The following NAV3 variants were observed in gnomAD, a reference collection of about 807,000 sequenced individuals.
NAV3 encodes pore membrane and/or filament interacting like protein 1.
In NAV3, 87 loss-of-function variants were observed where a neutral mutation model predicts 244.7. That is an observed-to-expected ratio of 0.36 (90% CI 0.30 to 0.42). NAV3 has a LOEUF of 0.42. Among genes scored for constraint, NAV3 ranks in the 20% least tolerant of loss-of-function variants. The pLI, the probability that NAV3 is intolerant of heterozygous loss-of-function variation, is 1.00. For synonymous variants in NAV3, 1,126 were observed against 1,042.2 expected (o/e 1.08, Z -1.55); for missense variants, 2,663 against 2,893.3 (o/e 0.92, Z 1.83).
At chr12:78,154,128 A>ATG (rs200110503) in intron 22 of NAV3, among the ~76,000 whole-genome samples, 5 of 144,836 alleles carry the variant, frequency 3.5e-5, no homozygotes, top group Middle Eastern at 3.8e-3. Context: ...CTAGGCATAT[A>ATG]TGTGTGTGTG....
intron 1 of NAV3, among the ~76,000 whole-genome samples, chr12:77,901,031 T>C (rs957681386): frequency 6.6e-6 from 1 of 152,228 alleles, no homozygotes; most frequent in African/African-American, 2.4e-5. Context: ...TATGTCCATT[T>C]TGCGAAGTAT....
intron 2 of NAV3, among the ~76,000 whole-genome samples, chr12:77,794,953 T>G (rs113309517): frequency 6.6e-6 from 1 of 152,188 alleles, no homozygotes; most frequent in African/African-American, 2.4e-5. Flanking sequence ...GACACAACCG[T>G]ATTGAAATTA....
intron 23 of NAV3, among the ~76,000 whole-genome samples, chr12:78,165,189 A>G (rs760296509): frequency 9.9e-5 from 15 of 152,012 alleles, no homozygotes; most frequent in Non-Finnish European, 1.3e-4. Context: ...TGAATAGCTC[A>G]CTGGAGGAAA....
chr12:77,983,656 A>T (rs1285040032), intron 5 of NAV3, among the ~76,000 whole-genome samples: 4 of 152,126 alleles, frequency 2.6e-5, no homozygotes, highest in Non-Finnish European at 5.9e-5. Flanking sequence ...TCAGGAAAAA[A>T]GTATAAAAGT....
At chr12:78,034,922 C>T (rs746943360) in intron 9 of NAV3, among the ~76,000 whole-genome samples, 18 of 152,126 alleles carry the variant, frequency 1.2e-4, no homozygotes, top group East Asian at 1.9e-4. Context: ...TTTATATAAA[C>T]GAGTAGTATT....
chr12:77,773,845 C>T (rs947756148), intron 2 of NAV3, among the ~76,000 whole-genome samples: 4 of 152,172 alleles, frequency 2.6e-5, no homozygotes, highest in African/African-American at 9.6e-5. Flanking sequence ...CAGCTAATCC[C>T]TGTGTTCATT....
chr12:78,056,071 G>A (rs761312323), intron 11 of NAV3: 8 of 152,156 alleles, frequency 5.3e-5, no homozygotes, highest in Non-Finnish European at 1.2e-4. Context: ...ATGTTGACAA[G>A]TAAAAATACC....
intron 2 of NAV3, among the ~76,000 whole-genome samples, chr12:77,697,415 A>G (rs1875356195): frequency 6.6e-6 from 1 of 152,206 alleles, no homozygotes; most frequent in African/African-American, 2.4e-5. Context: ...TTCCTGATTC[A>G]TTATGAGCTA....
At chr12:77,677,491 G>T in intron 2 of NAV3, among the ~76,000 whole-genome samples, 1 of 152,112 alleles carries the variant, frequency 6.6e-6, no homozygotes, top group East Asian at 1.9e-4. Context: ...TATTCATTTT[G>T]TGCCAGCCCA....
intron 6 of NAV3, among the ~76,000 whole-genome samples, chr12:77,997,017 A>G (rs936293336): frequency 2.6e-5 from 4 of 152,048 alleles, no homozygotes; most frequent in Non-Finnish European, 5.9e-5. Context: ...CTGAGGTGGG[A>G]TCACTTGAGG....
At chr12:78,050,201 C>T (rs552170596) in intron 10 of NAV3, 100 bp downstream of exon 10, 1 of 818,534 alleles carries the variant, frequency 1.2e-6, no homozygotes, top group African/African-American at 1.8e-5. Flanking sequence ...ATTTCAGTTT[C>T]CCCTTACTAT....
At chr12:77,750,815 ATAATT>A (rs931974246) in intron 2 of NAV3, among the ~76,000 whole-genome samples, 37 of 152,212 alleles carry the variant, frequency 2.4e-4, no homozygotes, top group African/African-American at 7.5e-4. Flanking sequence ...CTGGCAAAAA[ATAATT>A]TAAGAAAGGC....
chr12:77,671,410 T>TGATCCTAAAATTCATATG (rs1565764560), intron 2 of NAV3, among the ~76,000 whole-genome samples: 1 of 151,798 alleles, frequency 6.6e-6, no homozygotes. Flanking sequence ...TAGAAAAAAA[T>TGATCCTAAAATTCATATG]GATCCTAAAA....
chr12:77,682,024 C>T (rs553797618), intron 2 of NAV3, among the ~76,000 whole-genome samples: 2 of 152,154 alleles, frequency 1.3e-5, no homozygotes, highest in South Asian at 4.1e-4. Flanking sequence ...CAATTTTCAA[C>T]GATGGAATTC....
chr12:77,879,168 A>C (rs1440724138), intron 1 of NAV3, among the ~76,000 whole-genome samples: 9 of 152,268 alleles, frequency 5.9e-5, no homozygotes, highest in African/African-American at 2.2e-4. Flanking sequence ...ACCCGCTTGG[A>C]TAGCTACCCT....
chr12:78,007,539 T>C, intron 8 of NAV3, 94 bp downstream of exon 8: 1 of 1,337,552 alleles, frequency 7.5e-7, no homozygotes, highest in Non-Finnish European at 1.0e-6. Flanking sequence ...TGGTGCTTTA[T>C]GTCGTCATTT....
chr12:78,033,237 C>CTT (rs374028205), intron 9 of NAV3, among the ~76,000 whole-genome samples: 44 of 143,266 alleles, frequency 3.1e-4, no homozygotes, highest in African/African-American at 1.2e-3. Context: ...CTGAAATTGC[C>CTT]CTTTTTTTTT....
intron 11 of NAV3, among the ~76,000 whole-genome samples, chr12:78,051,385 A>C (rs1882738254): frequency 6.6e-6 from 1 of 152,230 alleles, no homozygotes; most frequent in South Asian, 2.1e-4. Flanking sequence ...AGAGAAACAC[A>C]TGTGGCTTCT....
At chr12:77,832,048 G>T (rs1159863369) in intron 1 of NAV3, among the ~76,000 whole-genome samples, 1 of 152,136 alleles carries the variant, frequency 6.6e-6, no homozygotes, top group African/African-American at 2.4e-5. Context: ...CATCCATACT[G>T]CAATGTATGA....
Sources: gnomAD v4.1 joint callset for allele counts (sites outside exome capture counted in the v4.1 genomes callset) on GRCh38, gnomAD v4.1.1 for gene constraint, MANE v1.5 for transcripts, NCBI Gene and HGNC (gene_info 2026-07-23, HGNC 2026-07-21) for gene names.